The following M1AP variants were observed in gnomAD, a reference collection of about 807,000 sequenced individuals.
The protein encoded by M1AP is meiosis 1 associated protein.
In M1AP, 39 loss-of-function variants were observed where a neutral mutation model predicts 51.2. The ratio of observed to expected loss-of-function variants is 0.76; its 90% CI spans 0.59 to 1.00. The LOEUF (loss-of-function observed/expected upper bound fraction) is 1.00, where lower values mean the gene tolerates loss of function less well. M1AP is among the 50% of genes least tolerant of loss of function. The probability of loss-of-function intolerance (pLI) is 0.00; values close to 1 mark genes in which losing one functional copy is unlikely to be tolerated. For missense variants in M1AP, 545 were observed against 641.2 expected (o/e 0.85, Z 1.62); for synonymous variants, 251 against 249.2 (o/e 1.01, Z -0.07).
chr2:74,572,796 G>A (rs1678826192), intron 7 of M1AP, among the ~76,000 whole-genome samples: 1 of 152,202 alleles, frequency 6.6e-6, no homozygotes, highest in Non-Finnish European at 1.5e-5. Context: ...CTTAGTAAAT[G>A]CTCCAAAATA....
Position 74,576,591 on chromosome 2 carries a change from C to T in M1AP, c.797G>A (p.Arg266Gln), listed in dbSNP as rs149272394. 253 of 1,613,950 alleles carry T rather than the reference C, an allele frequency of 1.6e-4. No homozygotes were observed. Among genetic ancestry groups the T allele is most frequent in the Non-Finnish European group, 6.2e-5 (73 of 1,179,978 alleles). Residue 266 changes from arginine (R) to glutamine (Q), a missense_variant, in exon 6 of 11, where the codon CGA becomes CAA. Transcript: ENST00000421985. ...AGCGAGTAGGGATGGGCAGAGCAGTCGCTCTTGGAGATCACATTTCAGACA... is the reference window on the plus strand; with the variant it reads ...AGCGAGTAGGGATGGGCAGAGCAGTTGCTCTTGGAGATCACATTTCAGACA... ...PMCLKCDLQE[R>Q]LLCPSLLAGT... is the part of the protein sequence containing the mutation.
intron 2 of M1AP, among the ~76,000 whole-genome samples, chr2:74,633,472 T>TCA (rs1558696163): frequency 6.6e-6 from 1 of 152,124 alleles, no homozygotes; most frequent in Non-Finnish European, 1.5e-5. Flanking sequence ...ATCCTGTAAG[T>TCA]CAGTTTAGCC....
chr2:74,560,202 G>T lies in M1AP; in HGVS notation c.1371C>A (p.Ala457=). ...GTGGGTGGAGCCGCCCCTGAGGCTT[G>T]GCATAGATGCTGCTCAGGTGTGAGT... The part of the protein sequence containing the change: ...HLYSHLSSIY[A]KPQGRLHPHW... Residue 457 remains alanine, a synonymous_variant, in exon 9 of 11, where the codon GCC becomes GCA. Transcript: ENST00000421985. 6.2e-7 allele frequency: 1 copy of T among 1,614,024 alleles called. No homozygotes were observed. The highest frequency in any genetic ancestry group is 8.5e-7 in the Non-Finnish European group (1 of 1,179,996).
rs115528832 is a variant in M1AP at position 74,592,455 on chromosome 2, G to T, written c.596-10608C>A. ...ATTTAAAAATCTTTTTTTGAATTAT[G>T]TGTTTATGACTTTTTTCCATTTTTC... On this transcript the variant is annotated intron_variant, in intron 4 of 10. Coordinates refer to ENST00000421985, the MANE Select transcript of M1AP (RefSeq NM_001321739.2). 4.1e-3 allele frequency among the ~76,000 whole-genome samples: 624 copies of T among 152,056 alleles called. 6 individuals carry two copies. Among genetic ancestry groups the T allele is most frequent in the African/African-American group, 0.015 (602 of 41,484 alleles).
intron 4 of M1AP, among the ~76,000 whole-genome samples, chr2:74,595,540 T>C (rs1236350424): frequency 3.3e-5 from 5 of 151,936 alleles, no homozygotes; most frequent in Non-Finnish European, 2.9e-5. Context: ...TTTGTAGAGA[T>C]GGGGTTTCAT....
At chr2:74,612,062 T>G (rs142183467) in intron 3 of M1AP, among the ~76,000 whole-genome samples, 1 of 149,836 alleles carries the variant, frequency 6.7e-6, no homozygotes, top group Non-Finnish European at 1.5e-5. Flanking sequence ...CCTGGCTAAT[T>G]TTTTGTATTT....
rs1485784196 is a variant in M1AP at position 74,565,100 on chromosome 2, G to C, written c.1075-2677C>G. ...TAGCCAGGCATGGTGGTGTATGCCT[G>C]TAATCCCAGCTACTCAGGAGGCTGA... On this transcript the variant is annotated intron_variant, in intron 7 of 10. Coordinates refer to ENST00000421985, the MANE Select transcript of M1AP (RefSeq NM_001321739.2). 2.0e-5 allele frequency among the ~76,000 whole-genome samples: 3 copies of C among 152,056 alleles called. 1 individual carries two copies. The highest frequency in any genetic ancestry group is 1.5e-5 in the Non-Finnish European group (1 of 68,020).
rs151300962 is a variant in M1AP at position 74,593,953 on chromosome 2, G to C, written c.596-12106C>G. Among the ~76,000 whole-genome samples, 84 of 152,320 alleles carry C rather than the reference G, an allele frequency of 5.5e-4. 1 individual carries two copies. Among genetic ancestry groups the C allele is most frequent in the African/African-American group, 2.0e-3 (82 of 41,580 alleles). On this transcript the variant is annotated intron_variant, in intron 4 of 10. Transcript: ENST00000421985. ...AGAGTGAGGAAGAAATCCATGAAAGGAGAGAGCCAGAGCCGGAGCGCCCTA... is the reference window on the plus strand; with the variant it reads ...AGAGTGAGGAAGAAATCCATGAAAGCAGAGAGCCAGAGCCGGAGCGCCCTA...
At position 74,631,558 on chromosome 2, in the gene M1AP, G is replaced by C. The variant is rs563957826; in HGVS notation, c.240+8478C>G. Among the ~76,000 whole-genome samples the C allele has an allele frequency of 9.7e-4, 148 of 152,174 alleles. 2 individuals carry two copies. The highest frequency in any genetic ancestry group is 3.5e-3 in the African/African-American group (145 of 41,524). ...GATTCCATTTGAATGCCAGCTATTA[G>C]AGAAAATGAGTATTATAGCTAAATT... is the stretch of plus-strand genomic sequence containing the variant. On this transcript the variant is annotated intron_variant, in intron 2 of 10. Transcript: ENST00000421985.
At chr2:74,603,889 G>A (rs948993607) in intron 4 of M1AP, among the ~76,000 whole-genome samples, 6 of 152,146 alleles carry the variant, frequency 3.9e-5, no homozygotes, top group African/African-American at 1.4e-4. Flanking sequence ...TCATCTGCAC[G>A]CGACCAGAAA....
intron 7 of M1AP, among the ~76,000 whole-genome samples, chr2:74,572,034 G>C (rs1424431235): frequency 6.6e-6 from 1 of 151,906 alleles, no homozygotes; most frequent in African/African-American, 2.4e-5. Context: ...CTGTTTTGCT[G>C]CTGTCTTTTC....
intron 2 of M1AP, among the ~76,000 whole-genome samples, chr2:74,639,169 T>C (rs1281384144): frequency 1.3e-5 from 2 of 152,232 alleles, no homozygotes; most frequent in African/African-American, 4.8e-5. Context: ...TTTCATTCTT[T>C]ATAGTATCAA....
chr2:74,598,470 A>G (rs1680473048), intron 4 of M1AP, among the ~76,000 whole-genome samples: 1 of 152,136 alleles, frequency 6.6e-6, no homozygotes, highest in African/African-American at 2.4e-5. Context: ...AGCTTTATAA[A>G]TAAGTATCAT....
intron 4 of M1AP, among the ~76,000 whole-genome samples, chr2:74,598,955 T>C (rs1680516185): frequency 6.6e-6 from 1 of 152,004 alleles, no homozygotes; most frequent in Non-Finnish European, 1.5e-5. Context: ...CAGAAATTCT[T>C]CATTTTAATG....
intron 4 of M1AP, among the ~76,000 whole-genome samples, chr2:74,606,509 C>T (rs981394265): frequency 2.0e-5 from 3 of 151,956 alleles, no homozygotes; most frequent in East Asian, 3.9e-4. Context: ...CACACATGAA[C>T]AAAGGTTTCA....
At chr2:74,592,138 G>A (rs1417440363) in intron 4 of M1AP, among the ~76,000 whole-genome samples, 2 of 151,904 alleles carry the variant, frequency 1.3e-5, no homozygotes, top group Non-Finnish European at 2.9e-5. Context: ...TAGATAGACT[G>A]TATAATAGCT....
intron 2 of M1AP, among the ~76,000 whole-genome samples, chr2:74,626,255 C>A (rs1017973142): frequency 2.4e-4 from 32 of 134,036 alleles, no homozygotes; most frequent in African/African-American, 1.1e-3. Context: ...AGCTATATTT[C>A]AGTTTTTTTT....
Position 74,557,923 on chromosome 2 carries a change from G to GGC in M1AP, c.*792_*793insGC. The GGC allele has an allele frequency of 6.6e-6, 1 of 150,824 alleles. No homozygotes were observed. Among genetic ancestry groups the GGC allele is most frequent in the East Asian group, 2.1e-4 (1 of 4,700 alleles). The allele number at this position is 150,824 out of a possible 1,614,324, so 9.3% of individuals were successfully genotyped here. The stretch of plus-strand genomic sequence containing the variant: ...TTTTATTATTTATGTAGAGATGGCG[G>GGC]GGGGGTCTCACAGTGTTGCTCAGGC... On this transcript the variant is annotated 3_prime_UTR_variant, in exon 11 of 11. Transcript: ENST00000421985.
At chr2:74,575,159 A>C in intron 7 of M1AP, 2 of 288,736 alleles carry the variant, frequency 6.9e-6, no homozygotes, top group Non-Finnish European at 1.0e-5. Context: ...AAATACAGGT[A>C]CGTACGGAAA....
Sources: allele counts gnomAD v4.1 joint callset (sites outside exome capture counted in the v4.1 genomes callset), GRCh38; gene constraint gnomAD v4.1.1; transcripts MANE v1.5; gene names NCBI Gene and HGNC (gene_info 2026-07-23, HGNC 2026-07-21).